PPIL4: variants seen among roughly 807,000 people sequenced by gnomAD.
PPIL4 encodes peptidylprolyl isomerase like 4.
A neutral mutation model predicts 69.1 loss-of-function variants in PPIL4; 50 were observed. That is an observed-to-expected ratio of 0.72 (90% confidence interval 0.58 to 0.92). The LOEUF is 0.92. Ranked by LOEUF, PPIL4 falls within the 40% of genes least tolerant of loss-of-function variation. The pLI, the probability that PPIL4 is intolerant of heterozygous loss-of-function variation, is 0.00. For missense variants in PPIL4, 480 were observed against 587.9 expected, an observed-to-expected ratio of 0.82 and a Z score of 1.90; for synonymous variants, 193 against 191.6, an observed-to-expected ratio of 1.01 and a Z score of -0.06.
Position 149,540,508 on chromosome 6 carries a change from G to A in PPIL4, c.321+434C>T, listed in dbSNP as rs112484453. On this transcript the variant is annotated intron_variant, in intron 4 of 12. Coordinates refer to ENST00000253329, the MANE Select transcript of PPIL4 (RefSeq NM_139126.4). ...CAGGCGCATGTAATCCCAGCTATTC[G>A]GAAGGCCGAGGCAGGAGAATTGCTT... 9.5e-3 allele frequency among the ~76,000 whole-genome samples: 1,451 copies of A among 152,212 alleles called. 25 individuals are homozygous for A. The highest frequency in any genetic ancestry group is 0.032 in the African/African-American group (1,341 of 41,536).
At position 149,504,808 on chromosome 6, in the gene PPIL4, ATT is replaced by A. The variant is rs1382952679; in HGVS notation, c.*643_*644del. Reference sequence around the variant, plus strand: ...TGCTAGATACAATGTTCACAGCAGCATTGTTTCAACAGCAAAAACAAATAAAC... The same window carrying A: ...TGCTAGATACAATGTTCACAGCAGCAGTTTCAACAGCAAAAACAAATAAAC... On this transcript the variant is annotated 3_prime_UTR_variant, in exon 13 of 13. Transcript: ENST00000253329. The A allele has an allele frequency of 6.6e-6, 1 of 152,276 alleles. No homozygotes were observed. Among genetic ancestry groups the A allele is most frequent in the Non-Finnish European group, 1.5e-5 (1 of 68,084 alleles). 9.4% of individuals were successfully genotyped at this position (152,276 alleles called of 1,614,324 possible).
At chr6:149,522,500 A>G (rs938741789) in intron 9 of PPIL4, among the ~76,000 whole-genome samples, 1 of 152,268 alleles carries the variant, frequency 6.6e-6, no homozygotes, top group Non-Finnish European at 1.5e-5. Context: ...GACTCTATAC[A>G]TATATGGATA....
In PPIL4 at chr6:149,541,007, T is replaced by C; in HGVS notation, c.256A>G (p.Ile86Val). Residue 86 changes from isoleucine to valine, a missense_variant, in exon 4 of 13, where the codon ATT (isoleucine) becomes GTT (valine). Coordinates refer to ENST00000253329, the MANE Select transcript of PPIL4 (RefSeq NM_139126.4). ...SFFEAEKVPRIKHKKKGTVSM... is the reference protein window; with the variant it reads ...SFFEAEKVPRVKHKKKGTVSM... ...ACTGTGCCTTTCTTCTTGTGCTTAA[T>C]TCTTGGGACTTTTTCTGCCTCAAAA... The C allele has an allele frequency of 5.6e-6, 9 of 1,612,840 alleles. No individual in the cohort carries two copies. Among genetic ancestry groups the C allele is most frequent in the South Asian group, 1.1e-5 (1 of 90,992 alleles).
chr6:149,512,667 T>C (rs1776871050), intron 11 of PPIL4, among the ~76,000 whole-genome samples: 1 of 152,198 alleles, frequency 6.6e-6, no homozygotes, highest in East Asian at 1.9e-4. Flanking sequence ...AGATAACAGG[T>C]ACATTTGTAT....
chr6:149,535,643 A>G lies in PPIL4; in HGVS notation c.417T>C (p.Ile139=). The part of the protein sequence containing the change: ...VTEGMDIIKK[I]NETFVDKDFV... ...AGTCCTTGTCAACAAAGGTCTCATT[A>G]ATTTTCTTAATTATGTCCATGCCTT... Residue 139 remains isoleucine, a synonymous_variant, in exon 5 of 13, where the codon ATT becomes ATC. Transcript: ENST00000253329. 1 of 1,612,398 alleles carries G rather than the reference A, an allele frequency of 6.2e-7. No individual in the cohort carries two copies. Among genetic ancestry groups the G allele is most frequent in the Non-Finnish European group, 8.5e-7 (1 of 1,178,574 alleles).
At chr6:149,533,350 A>G in intron 7 of PPIL4, 108 bp downstream of exon 7, 2 of 659,424 alleles carry the variant, frequency 3.0e-6, no homozygotes, top group Non-Finnish European at 2.6e-6. Flanking sequence ...GAAAAAAATC[A>G]TAACTCAATT....
Position 149,521,158 on chromosome 6 carries a change from T to A in PPIL4, c.884A>T (p.Glu295Val). 1 of 1,555,084 alleles carries A rather than the reference T, an allele frequency of 6.4e-7. No individual in the cohort carries two copies. Among genetic ancestry groups the A allele is most frequent in the Non-Finnish European group, 8.8e-7 (1 of 1,132,590 alleles). Residue 295 changes from glutamate to valine, a missense_variant, in exon 10 of 13, where the codon GAG becomes GTG. By Grantham distance (121) the Glu-to-Val change is moderately radical (BLOSUM62 -2). Coordinates refer to ENST00000253329, the MANE Select transcript of PPIL4 (RefSeq NM_139126.4). ...FIEFEKEEDC[E>V]KAFFKMDNVL... ...ATTGTCCATTTTGAAGAATGCTTTC[T>A]CACAATCTTCTTCCTGATAATAATT...
chr6:149,540,107 T>C (rs906813151), intron 4 of PPIL4, among the ~76,000 whole-genome samples: 2 of 152,078 alleles, frequency 1.3e-5, no homozygotes, highest in Admixed American at 6.5e-5. Flanking sequence ...CCAGCCTGGC[T>C]GACAGAGCAA....
chr6:149,520,870 G>A lies in PPIL4; in HGVS notation c.982+190C>T, dbSNP rs543505571. On this transcript the variant is annotated intron_variant, in intron 10 of 12. Transcript: ENST00000253329. ...TCTACTAAAAATACAAAAATTAGCT[G>A]GGCATGGTGGCACATGCTTGTAATC... Among the ~76,000 whole-genome samples, 194 of 152,098 alleles carry A rather than the reference G, an allele frequency of 1.3e-3. 1 individual carries two copies. Among genetic ancestry groups the A allele is most frequent in the African/African-American group, 4.4e-3 (184 of 41,518 alleles).
In PPIL4 at chr6:149,505,280, G is replaced by GTA. The variant is rs1776751458; in HGVS notation, c.*172_*173insTA. On this transcript the variant is annotated 3_prime_UTR_variant, in exon 13 of 13. Coordinates refer to ENST00000253329, the MANE Select transcript of PPIL4 (RefSeq NM_139126.4). ...GTGTAAAAAAGTATACAAAGAAAAT[G>GTA]TTCAATTCTTTATCTTTCCGTGCTC... 1 of 508,360 alleles carries GTA rather than the reference G, an allele frequency of 2.0e-6. No individual in the cohort carries two copies. Among genetic ancestry groups the GTA allele is most frequent in the East Asian group, 3.2e-5 (1 of 30,842 alleles). The allele number at this position is 508,360 out of a possible 1,614,324, so 31.5% of individuals were successfully genotyped here.
intron 10 of PPIL4, among the ~76,000 whole-genome samples, chr6:149,520,849 C>T (rs1777019528): frequency 6.6e-6 from 1 of 152,022 alleles, no homozygotes; most frequent in East Asian, 1.9e-4. Context: ...CCCATCTCTA[C>T]TAAAAATACA....
In PPIL4 at chr6:149,520,494, T is replaced by C. The variant is rs191691776; in HGVS notation, c.982+566A>G. 3.5e-3 allele frequency among the ~76,000 whole-genome samples: 537 copies of C among 152,252 alleles called. 2 individuals are homozygous for C. The highest frequency in any genetic ancestry group is 0.014 in the Middle Eastern group (4 of 294). On this transcript the variant is annotated intron_variant, in intron 10 of 12. Transcript: ENST00000253329. ...ATATCATGTCTGCAGTGGGTAATTATTAGTAATTTATAATATAGTCAAACA... is the reference window on the plus strand; with the variant it reads ...ATATCATGTCTGCAGTGGGTAATTACTAGTAATTTATAATATAGTCAAACA...
chr6:149,526,557 C>G, intron 8 of PPIL4, 95 bp downstream of exon 8: 2 of 1,244,506 alleles, frequency 1.6e-6, no homozygotes, highest in Non-Finnish European at 2.3e-6. Flanking sequence ...CAAAATTCGC[C>G]TAGAATTCAC....
chr6:149,511,087 C>T (rs1031934306), intron 12 of PPIL4, among the ~76,000 whole-genome samples: 3 of 152,094 alleles, frequency 2.0e-5, no homozygotes, highest in African/African-American at 7.2e-5. Context: ...CTACATTTCT[C>T]TATTTCTGCA....
rs775743748 is a variant in PPIL4, at chr6:149,535,648, T to C, written c.412A>G (p.Lys138Glu). The C allele has an allele frequency of 5.6e-6, 9 of 1,612,608 alleles. No homozygotes were observed. The highest frequency in any genetic ancestry group is 1.7e-5 in the Admixed American group (1 of 60,024). ...TTGTCAACAAAGGTCTCATTAATTT[T>C]CTTAATTATGTCCATGCCTTCTGTC... ...EVTEGMDIIK[K>E]INETFVDKDF... Residue 138 changes from lysine (K) to glutamate (E), a missense_variant, in exon 5 of 13, where the codon AAA becomes GAA. Transcript: ENST00000253329.
intron 8 of PPIL4, among the ~76,000 whole-genome samples, 158 bp from the exon 9 acceptor site, chr6:149,525,367 T>C (rs1777091549): frequency 6.6e-6 from 1 of 152,210 alleles, no homozygotes; most frequent in Non-Finnish European, 1.5e-5. Flanking sequence ...AATTCTTTTT[T>C]AAAAGTAGTT....
At chr6:149,545,810 T>C in intron 1 of PPIL4, 126 bp downstream of exon 1, 1 of 844,608 alleles carries the variant, frequency 1.2e-6, no homozygotes, top group Non-Finnish European at 1.9e-6. Flanking sequence ...AATAGCCCAG[T>C]CGCGGGCACC....
chr6:149,510,772 C>A (rs1776830893), intron 12 of PPIL4, among the ~76,000 whole-genome samples: 1 of 151,864 alleles, frequency 6.6e-6, no homozygotes, highest in Non-Finnish European at 1.5e-5. Context: ...AACACTTTAA[C>A]TGAAATATGA....
intron 7 of PPIL4, among the ~76,000 whole-genome samples, chr6:149,529,315 G>A (rs539314999): frequency 2.7e-5 from 4 of 150,464 alleles, no homozygotes; most frequent in Non-Finnish European, 4.4e-5. Flanking sequence ...AAAATTAGCC[G>A]GGCATGGTGG....
Sources: gnomAD v4.1 joint callset for allele counts (sites outside exome capture counted in the v4.1 genomes callset) on GRCh38, gnomAD v4.1.1 for gene constraint, MANE v1.5 for transcripts, NCBI Gene and HGNC (gene_info 2026-07-23, HGNC 2026-07-21) for gene names.